Variants in LMX1A observed in about 807,000 individuals in gnomAD.
The protein encoded by LMX1A is LIM homeobox transcription factor 1 alpha, also known as LIM homeobox transcription factor 1-alpha.
Under a neutral mutation model 49.1 loss-of-function variants are expected in LMX1A, and 15 were observed. The observed-to-expected ratio is 0.31, with a 90% CI of 0.20 to 0.47. The LOEUF is 0.47. LMX1A is among the 20% of genes least tolerant of loss of function. The probability of loss-of-function intolerance (pLI) is 1.00; values close to 1 mark genes in which losing one functional copy is unlikely to be tolerated. For missense variants in LMX1A, 372 were observed against 475.8 expected (o/e 0.78, Z 2.03); for synonymous variants, 167 against 185.7 (o/e 0.90, Z 0.82).
intron 8 of LMX1A, among the ~76,000 whole-genome samples, chr1:165,204,264 C>T (rs919570902): frequency 2.6e-5 from 4 of 152,116 alleles, no homozygotes; most frequent in Non-Finnish European, 4.4e-5. Flanking sequence ...GCAGCATAAG[C>T]AAATGTCACA....
intron 4 of LMX1A, among the ~76,000 whole-genome samples, chr1:165,218,093 C>T (rs1429937178): frequency 6.6e-6 from 1 of 152,196 alleles, no homozygotes; most frequent in African/African-American, 2.4e-5. Context: ...AAATGTATTT[C>T]AAAAACAGGC....
At chr1:165,275,404 G>T (rs144581602) in intron 3 of LMX1A, among the ~76,000 whole-genome samples, 3 of 152,196 alleles carry the variant, frequency 2.0e-5, no homozygotes, top group Admixed American at 2.0e-4. Context: ...GCAACTGCTC[G>T]TTAGCATTTG....
At chr1:165,339,080 G>T (rs1324107134) in intron 3 of LMX1A, among the ~76,000 whole-genome samples, 2 of 152,104 alleles carry the variant, frequency 1.3e-5, no homozygotes, top group African/African-American at 2.4e-5. Context: ...TAAATGATTT[G>T]CCCAGGCCCA....
In LMX1A at chr1:165,339,924, A is replaced by T. The variant is rs909740592; in HGVS notation, c.263+13152T>A. Among the ~76,000 whole-genome samples, 10 of 152,222 alleles carry T rather than the reference A, an allele frequency of 6.6e-5. No individual in the cohort carries two copies. The East Asian group carries it at 1.9e-3, about 29-fold the overall frequency. On this transcript the variant is annotated intron_variant, in intron 3 of 8. Coordinates refer to ENST00000342310, the MANE Select transcript of LMX1A (RefSeq NM_177398.4). ...AGCAGGCTCAAAACTACCTCATCCC[A>T]AAGCATCTTCCCTTCATTCTATCTC...
chr1:165,207,313 T>C (rs1006513867), intron 7 of LMX1A, among the ~76,000 whole-genome samples: 1 of 152,232 alleles, frequency 6.6e-6, no homozygotes, highest in Non-Finnish European at 1.5e-5. Context: ...ACTCTTCTTT[T>C]TTTTTTTCCT....
chr1:165,222,826 T>C (rs920829599), intron 4 of LMX1A, among the ~76,000 whole-genome samples: 2 of 152,152 alleles, frequency 1.3e-5, no homozygotes, highest in African/African-American at 2.4e-5. Flanking sequence ...GCCTTCAGAC[T>C]CCAGTCCATT....
chr1:165,354,131 T>C (rs1025299516), intron 2 of LMX1A, among the ~76,000 whole-genome samples: 7 of 152,234 alleles, frequency 4.6e-5, no homozygotes, highest in Middle Eastern at 3.4e-3. Flanking sequence ...ATTGGCACTT[T>C]TCACAGCTAT....
chr1:165,238,243 A>G (rs914889705), intron 4 of LMX1A, among the ~76,000 whole-genome samples: 1 of 152,152 alleles, frequency 6.6e-6, no homozygotes, highest in Admixed American at 6.5e-5. Flanking sequence ...ATATGTACCA[A>G]TTTACTTCAC....
chr1:165,282,264 C>T (rs554460051), intron 3 of LMX1A, among the ~76,000 whole-genome samples: 2 of 152,172 alleles, frequency 1.3e-5, no homozygotes, highest in Non-Finnish European at 2.9e-5. Context: ...GACATCACCA[C>T]CTGAATATAC....
chr1:165,232,271 C>T (rs977505521), intron 4 of LMX1A, among the ~76,000 whole-genome samples: 2 of 152,184 alleles, frequency 1.3e-5, no homozygotes, highest in East Asian at 3.9e-4. Flanking sequence ...TTGGAAGTTA[C>T]TGTGTCTGGG....
At chr1:165,295,184 C>T (rs1654580008) in intron 3 of LMX1A, among the ~76,000 whole-genome samples, 1 of 151,544 alleles carries the variant, frequency 6.6e-6, no homozygotes, top group African/African-American at 2.4e-5. Context: ...GGAAAGTGTT[C>T]ACAGTAATTG....
intron 3 of LMX1A, among the ~76,000 whole-genome samples, chr1:165,268,442 G>A (rs752255916): frequency 3.3e-5 from 5 of 152,288 alleles, no homozygotes; most frequent in Middle Eastern, 3.4e-3. Context: ...TAAGCCCTGC[G>A]CCTCAAACCA....
At chr1:165,328,506 T>C (rs1188938884) in intron 3 of LMX1A, among the ~76,000 whole-genome samples, 1 of 152,148 alleles carries the variant, frequency 6.6e-6, no homozygotes, top group Non-Finnish European at 1.5e-5. Context: ...CAACAAAGAC[T>C]GAACTATGTG....
At chr1:165,286,258 G>A (rs762938343) in intron 3 of LMX1A, among the ~76,000 whole-genome samples, 27 of 152,090 alleles carry the variant, frequency 1.8e-4, no homozygotes, top group Admixed American at 7.2e-4. Context: ...AGAGTATGTC[G>A]GCACTCAATA....
chr1:165,255,214 A>G (rs1451210443), intron 3 of LMX1A, among the ~76,000 whole-genome samples: 4 of 152,228 alleles, frequency 2.6e-5, no homozygotes, highest in Admixed American at 6.5e-5. Context: ...GAAGAGACCT[A>G]TGCGCTTAGC....
At chr1:165,312,537 G>A (rs1035956366) in intron 3 of LMX1A, among the ~76,000 whole-genome samples, 13 of 152,130 alleles carry the variant, frequency 8.5e-5, no homozygotes, top group African/African-American at 3.1e-4. Context: ...TTAAGAGATT[G>A]GTAGGTTCCA....
At position 165,210,793 on chromosome 1, in the gene LMX1A, G is replaced by T; in HGVS notation, c.670-17C>A. The T allele has an allele frequency of 6.3e-7, 1 of 1,595,652 alleles. No individual in the cohort carries two copies. Among genetic ancestry groups the T allele is most frequent in the South Asian group, 1.1e-5 (1 of 90,344 alleles). ...CTCTCTCACCTTGGAAAAATTGAAC[G>T]AGAAATGTAGACACACTGGCATCTC... is the stretch of plus-strand genomic sequence containing the variant. On this transcript the variant is annotated splice_polypyrimidine_tract_variant and intron_variant, in intron 5 of 8. Coordinates refer to ENST00000342310, the MANE Select transcript of LMX1A (RefSeq NM_177398.4).
At chr1:165,286,249 G>A (rs1244447702) in intron 3 of LMX1A, among the ~76,000 whole-genome samples, 1 of 152,220 alleles carries the variant, frequency 6.6e-6, no homozygotes, top group Non-Finnish European at 1.5e-5. Context: ...TAAAGGCACA[G>A]AGTATGTCGG....
chr1:165,268,175 C>G (rs1653685398), intron 3 of LMX1A, among the ~76,000 whole-genome samples: 1 of 152,134 alleles, frequency 6.6e-6, no homozygotes, highest in South Asian at 2.1e-4. Context: ...CCTAGATGCT[C>G]TAGGCAGAAT....
Sources: allele counts gnomAD v4.1 joint callset (sites outside exome capture counted in the v4.1 genomes callset), GRCh38; gene constraint gnomAD v4.1.1; transcripts MANE v1.5; gene names NCBI Gene and HGNC (gene_info 2026-07-23, HGNC 2026-07-21).